The following C11orf65 variants were observed in gnomAD, a reference collection of about 807,000 sequenced individuals.
The protein encoded by C11orf65 is chromosome 11 open reading frame 65.
C11orf65 carries 38 observed loss-of-function variants against 35.3 expected under a neutral mutation model. The ratio of observed to expected loss-of-function variants is 1.08; its 90% CI spans 0.83 to 1.41. The LOEUF (loss-of-function observed/expected upper bound fraction) is 1.41. Ranked by LOEUF, C11orf65 falls within the 40% of genes most tolerant of loss-of-function variation. C11orf65 has a pLI of 0.00. For synonymous variants in C11orf65, 105 were observed against 114.4 expected (o/e 0.92, Z 0.53); for missense variants, 370 against 367.1 (o/e 1.01, Z -0.06).
chr11:108,361,554 A>G (rs2090759013), intron 2 of C11orf65, among the ~76,000 whole-genome samples: 1 of 152,076 alleles, frequency 6.6e-6, no homozygotes, highest in Non-Finnish European at 1.5e-5. Flanking sequence ...ACTATACTAC[A>G]AGGCTACAGT....
At position 108,404,405 on chromosome 11, in the gene C11orf65, ACTT is replaced by A. The variant is rs1253834584; in HGVS notation, c.560+1021_560+1023del. On this transcript the variant is annotated intron_variant, in intron 6 of 8. Transcript: ENST00000393084. ...GTAACTTCCACTTTCTGTCTTTGATACTTTTTTTTGTGTTTGTTTCGAGATGGA... is the reference window on the plus strand; with the variant it reads ...GTAACTTCCACTTTCTGTCTTTGATATTTTTTGTGTTTGTTTCGAGATGGA... Among the ~76,000 whole-genome samples, 3 of 151,932 alleles carry A rather than the reference ACTT, an allele frequency of 2.0e-5. No homozygotes were observed. In the East Asian group the frequency reaches 5.8e-4, roughly 30 times the overall value.
intron 2 of C11orf65, among the ~76,000 whole-genome samples, chr11:108,353,021 G>A (rs1330561935): frequency 3.9e-5 from 6 of 152,126 alleles, no homozygotes; most frequent in Admixed American, 2.0e-4. Flanking sequence ...TGACTGCATC[G>A]ATGTCAGTAG....
At chr11:108,339,608 C>CT (rs2087268693) in intron 2 of C11orf65, among the ~76,000 whole-genome samples, 1 of 152,036 alleles carries the variant, frequency 6.6e-6, no homozygotes, top group African/African-American at 2.4e-5. Flanking sequence ...CTGTCATTTG[C>CT]TTTTTGAAAT....
chr11:108,360,280 G>A (rs1039482500), intron 2 of C11orf65, among the ~76,000 whole-genome samples: 3 of 152,014 alleles, frequency 2.0e-5, no homozygotes, highest in African/African-American at 7.2e-5. Context: ...CCAGTAACAG[G>A]AGCTGAAATT....
At chr11:108,333,352 A>G (rs2086487878) in intron 3 of C11orf65, among the ~76,000 whole-genome samples, 1 of 152,220 alleles carries the variant, frequency 6.6e-6, no homozygotes, top group Admixed American at 6.5e-5. Context: ...AGTTCAAATA[A>G]TTACAAGCTG....
chr11:108,396,107 G>T (rs2092303290), intron 6 of C11orf65, among the ~76,000 whole-genome samples: 1 of 151,532 alleles, frequency 6.6e-6, no homozygotes, highest in South Asian at 2.1e-4. Context: ...AACGGATAAT[G>T]ATCCATGAGA....
intron 6 of C11orf65, chr11:108,317,259 G>T: frequency 1.8e-6 from 2 of 1,127,436 alleles, no homozygotes; most frequent in Non-Finnish European, 1.3e-6. Flanking sequence ...GATTTTAAAT[G>T]ATATTGTGAA....
chr11:108,395,912 C>T (rs1178823476), intron 6 of C11orf65, among the ~76,000 whole-genome samples: 1 of 151,170 alleles, frequency 6.6e-6, no homozygotes, highest in Non-Finnish European at 1.5e-5. Context: ...TGAGCCACCG[C>T]GCCCAGCCAA....
chr11:108,408,169 G>C (rs978350205), intron 3 of C11orf65, among the ~76,000 whole-genome samples: 1 of 151,682 alleles, frequency 6.6e-6, no homozygotes, highest in Non-Finnish European at 1.5e-5. Flanking sequence ...ATGAAAAAAT[G>C]ATACCAAACT....
chr11:108,405,428 C>G lies in C11orf65; in HGVS notation c.560+1G>C. On this transcript the variant is annotated splice_donor_variant, in intron 6 of 8. Coordinates refer to ENST00000393084, the MANE Select transcript of C11orf65 (RefSeq NM_152587.5). LOFTEE classifies it high-confidence loss of function. The stretch of plus-strand genomic sequence containing the variant: ...CCTTAGTAAGTGTTTCATCAACTTA[C>G]ATTTGCCTCATCCACTCTATTTTTC... 6.2e-7 allele frequency: 1 copy of G among 1,609,974 alleles called. No individual in the cohort carries two copies. Among genetic ancestry groups the G allele is most frequent in the Non-Finnish European group, 8.5e-7 (1 of 1,179,254 alleles).
intron 6 of C11orf65, among the ~76,000 whole-genome samples, chr11:108,318,337 G>A (rs955086521): frequency 1.6e-4 from 24 of 151,556 alleles, no homozygotes; most frequent in Non-Finnish European, 1.0e-4. Context: ...ACTCCAGCCT[G>A]GACAACAGAG....
intron 2 of C11orf65, chr11:108,345,988 T>C: frequency 6.5e-7 from 1 of 1,536,136 alleles, no homozygotes; most frequent in Non-Finnish European, 9.0e-7. Flanking sequence ...GCACTTTTTC[T>C]ACATTCTGAG....
intron 2 of C11orf65, chr11:108,367,621 G>A (rs1352084711): frequency 9.6e-6 from 2 of 208,616 alleles, no homozygotes; most frequent in Non-Finnish European, 2.0e-5. Flanking sequence ...CTCGTATTTG[G>A]ACCTTGAAGG....
intron 2 of C11orf65, among the ~76,000 whole-genome samples, chr11:108,459,469 T>C (rs1429423720): frequency 6.6e-6 from 1 of 152,146 alleles, no homozygotes; most frequent in African/African-American, 2.4e-5. Context: ...TTTTAAATTG[T>C]TAACTCCAAA....
chr11:108,357,287 G>A (rs940915221), intron 2 of C11orf65, among the ~76,000 whole-genome samples: 4 of 152,336 alleles, frequency 2.6e-5, no homozygotes, highest in African/African-American at 9.6e-5. Context: ...CTGGCTTGGA[G>A]GGTCCTACGC....
chr11:108,385,448 C>T (rs1330144454), intron 8 of C11orf65, among the ~76,000 whole-genome samples: 1 of 152,000 alleles, frequency 6.6e-6, no homozygotes. Context: ...TTTGGGAGGC[C>T]GAGGTAGTTG....
At chr11:108,360,530 T>C (rs1372908707) in intron 2 of C11orf65, among the ~76,000 whole-genome samples, 2 of 135,238 alleles carry the variant, frequency 1.5e-5, no homozygotes, top group East Asian at 4.2e-4. Context: ...TGATGAACAT[T>C]GATGCAAAAA....
downstream of C11orf65, chr11:108,329,039 A>G (rs767494363): frequency 1.9e-6 from 3 of 1,613,980 alleles, no homozygotes; most frequent in Non-Finnish European, 1.7e-6. Flanking sequence ...AGTTGCTGGA[A>G]ATTATGATGG....
intron 6 of C11orf65, among the ~76,000 whole-genome samples, chr11:108,319,098 GC>G (rs1214662924): frequency 6.6e-6 from 1 of 151,738 alleles, no homozygotes; most frequent in Non-Finnish European, 1.5e-5. Context: ...GATCCCTTGA[GC>G]CCAGGAGGTG....
Sources: gnomAD v4.1 joint callset for allele counts (sites outside exome capture counted in the v4.1 genomes callset) on GRCh38, gnomAD v4.1.1 for gene constraint, MANE v1.5 for transcripts, NCBI Gene and HGNC (gene_info 2026-07-23, HGNC 2026-07-21) for gene names.